C20orf96: variants seen among roughly 807,000 people sequenced by gnomAD.
C20orf96 encodes the protein chromosome 20 open reading frame 96.
Under a neutral mutation model 52.6 loss-of-function variants are expected in C20orf96, and 57 were observed. That is an observed-to-expected ratio of 1.08 (90% CI 0.88 to 1.35). The LOEUF (loss-of-function observed/expected upper bound fraction) is 1.35, where lower values mean the gene tolerates loss of function less well. Ranked by LOEUF, C20orf96 falls within the 40% of genes most tolerant of loss-of-function variation. The pLI is 0.00. For synonymous variants in C20orf96, 168 were observed against 157.2 expected (o/e 1.07, Z -0.51); for missense variants, 478 against 443.6 (o/e 1.08, Z -0.70).
At chr20:278,502 A>G in intron 5 of C20orf96, 73 bp from the exon 6 acceptor site, 1 of 1,147,774 alleles carries the variant, frequency 8.7e-7, no homozygotes, top group Non-Finnish European at 1.3e-6. Flanking sequence ...GCACTTCCTC[A>G]GAGGAGTCCC....
chr20:272,221 T>C (rs1328958716), intron 10 of C20orf96, among the ~76,000 whole-genome samples: 1 of 152,144 alleles, frequency 6.6e-6, no homozygotes, highest in Non-Finnish European at 1.5e-5. Context: ...AGTTCATCTC[T>C]ATGCTGGCAA....
chr20:275,505 A>C (rs749398359), intron 10 of C20orf96, among the ~76,000 whole-genome samples: 1 of 152,206 alleles, frequency 6.6e-6, no homozygotes, highest in East Asian at 1.9e-4. Context: ...CCCCCAACCC[A>C]ACCGCAGAGG....
intron 6 of C20orf96, among the ~76,000 whole-genome samples, 200 bp downstream of exon 6, chr20:278,130 G>A (rs577819885): frequency 8.5e-4 from 130 of 152,336 alleles, no homozygotes; most frequent in African/African-American, 3.1e-3. Context: ...GACATTGGTA[G>A]AGACCCAGAT....
chr20:272,038 AG>A (rs1437863490), intron 10 of C20orf96, among the ~76,000 whole-genome samples: 4 of 152,166 alleles, frequency 2.6e-5, no homozygotes, highest in Non-Finnish European at 4.4e-5. Context: ...TGAAGTATTT[AG>A]GCAGGAAATG....
chr20:275,923 CAG>C (rs770199565), intron 10 of C20orf96, 43 bp downstream of exon 10: 36 of 1,558,296 alleles, frequency 2.3e-5, no homozygotes, highest in Non-Finnish European at 3.0e-5. Flanking sequence ...TCCGTGAGCT[CAG>C]AGTGTGACTG....
At chr20:283,535 G>A (rs8125727) in intron 4 of C20orf96, among the ~76,000 whole-genome samples, 1 of 151,802 alleles carries the variant, frequency 6.6e-6, no homozygotes, top group Admixed American at 6.6e-5. Flanking sequence ...AACTCCTGAC[G>A]TCAAATGATC....
chr20:271,342 G>A (rs2011829772), intron 10 of C20orf96, 75 bp from the exon 11 acceptor site: 9 of 1,231,166 alleles, frequency 7.3e-6, no homozygotes, highest in Admixed American at 2.4e-5. Context: ...GAGGAGCCCT[G>A]CTCTTTAGAA....
chr20:280,867 G>T (rs552838141), intron 4 of C20orf96, among the ~76,000 whole-genome samples: 7 of 152,318 alleles, frequency 4.6e-5, no homozygotes, highest in Non-Finnish European at 1.0e-4. Context: ...AAATATAAAT[G>T]AGATTGGACA....
chr20:271,075 G>A lies in C20orf96; in HGVS notation c.*132C>T, dbSNP rs1013968251. On this transcript the variant is annotated 3_prime_UTR_variant, in exon 11 of 11. Coordinates refer to ENST00000360321, the MANE Select transcript of C20orf96 (RefSeq NM_153269.3). ...GGAGGGAGGGAGGGAAAGAAAGAGGGAGGAAGGGCAGAGGGAGCAGGGAGA... is the reference window on the plus strand; with the variant it reads ...GGAGGGAGGGAGGGAAAGAAAGAGGAAGGAAGGGCAGAGGGAGCAGGGAGA... 2 of 703,022 alleles carry A rather than the reference G, an allele frequency of 2.8e-6. No individual in the cohort carries two copies. Among genetic ancestry groups the A allele is most frequent in the Non-Finnish European group, 4.9e-6 (2 of 408,480 alleles). The allele number at this position is 703,022 out of a possible 1,614,324, so 43.5% of individuals were successfully genotyped here.
At chr20:284,548 C>G (rs1473663799) in intron 3 of C20orf96, among the ~76,000 whole-genome samples, 7 of 152,214 alleles carry the variant, frequency 4.6e-5, no homozygotes, top group Admixed American at 4.6e-4. Flanking sequence ...ATGAGCCAGA[C>G]AGTCCAAGTT....
chr20:280,085 G>A lies in C20orf96; in HGVS notation c.307-755C>T, dbSNP rs1234156123. Among the ~76,000 whole-genome samples the A allele has an allele frequency of 2.0e-5, 3 of 152,254 alleles. No individual in the cohort carries two copies. In the East Asian group the frequency reaches 5.8e-4, roughly 29 times the overall value. On this transcript the variant is annotated intron_variant, in intron 4 of 10. Coordinates refer to ENST00000360321, the MANE Select transcript of C20orf96 (RefSeq NM_153269.3). ...GGATGATAAACGTCAGCATTTCCGGGCAGGCCGCGGAGTCAATGAGTACTC... is the reference window on the plus strand; with the variant it reads ...GGATGATAAACGTCAGCATTTCCGGACAGGCCGCGGAGTCAATGAGTACTC...
At chr20:278,733 A>C (rs1276394197) in intron 5 of C20orf96, among the ~76,000 whole-genome samples, 1 of 149,902 alleles carries the variant, frequency 6.7e-6, no homozygotes. Flanking sequence ...ATGGTGCCGC[A>C]TTTCACAGAG....
At chr20:280,850 T>G (rs533050156) in intron 4 of C20orf96, among the ~76,000 whole-genome samples, 1 of 152,276 alleles carries the variant, frequency 6.6e-6, no homozygotes, top group African/African-American at 2.4e-5. Context: ...TTTAGAGAAC[T>G]GCCGTAAAAT....
intron 9 of C20orf96, chr20:276,518 TG>T: frequency 1.0e-6 from 1 of 985,330 alleles, no homozygotes; most frequent in Non-Finnish European, 1.2e-6. Flanking sequence ...AGATGCACGG[TG>T]GTTAATGGCT....
In C20orf96 at chr20:277,080, C is replaced by T; in HGVS notation, c.789G>A (p.Gln263=). ...KVLESLSDKI[Q]KKKKKILSSV... is the part of the protein sequence containing the mutation. The stretch of plus-strand genomic sequence containing the variant: ...AACTCAGAATTTTTTTCTTCTTCTT[C>T]TGAATCTTGTCAGACAAGGATTCCA... Residue 263 remains glutamine (Q), a synonymous_variant, in exon 8 of 11, where the codon CAG becomes CAA. Transcript: ENST00000360321. 6.2e-7 allele frequency: 1 copy of T among 1,613,882 alleles called. No homozygotes were observed. Among genetic ancestry groups the T allele is most frequent in the East Asian group, 2.2e-5 (1 of 44,864 alleles).
At position 290,652 on chromosome 20, in the gene C20orf96, A is replaced by C. The variant is rs1245771720; in HGVS notation, c.-42T>G. ...GAAGTTGCGAGTCTGTGAGACCCTG[A>C]TCTTCTGGTATAACTACTCGGCTTT... On this transcript the variant is annotated 5_prime_UTR_variant, in exon 1 of 11. Transcript: ENST00000360321. 1 of 1,603,442 alleles carries C rather than the reference A, an allele frequency of 6.2e-7. No individual in the cohort carries two copies. Among genetic ancestry groups the C allele is most frequent in the African/African-American group, 1.4e-5 (1 of 70,706 alleles).
intron 3 of C20orf96, among the ~76,000 whole-genome samples, chr20:288,404 G>A (rs2012452438): frequency 6.6e-6 from 1 of 152,078 alleles, no homozygotes; most frequent in African/African-American, 2.4e-5. Context: ...CTGGGATAGT[G>A]CTGGCAGGGA....
At chr20:283,240 T>C (rs759268261) in intron 4 of C20orf96, among the ~76,000 whole-genome samples, 1 of 152,192 alleles carries the variant, frequency 6.6e-6, no homozygotes, top group African/African-American at 2.4e-5. Flanking sequence ...GCGATTGATG[T>C]GAAAATTTTC....
At chr20:286,214 T>C (rs1300286386) in intron 3 of C20orf96, among the ~76,000 whole-genome samples, 2 of 152,146 alleles carry the variant, frequency 1.3e-5, no homozygotes, top group African/African-American at 4.8e-5. Flanking sequence ...TCACAAGCAG[T>C]TTTAAGAAAT....
Sources: allele counts gnomAD v4.1 joint callset (sites outside exome capture counted in the v4.1 genomes callset), GRCh38; gene constraint gnomAD v4.1.1; transcripts MANE v1.5; gene names NCBI Gene and HGNC (gene_info 2026-07-23, HGNC 2026-07-21).